WWOX: variants seen among roughly 807,000 people sequenced by gnomAD.
WWOX encodes WW domain-containing oxidoreductase.
A neutral mutation model predicts 46.2 loss-of-function variants in WWOX; 69 were observed. The observed-to-expected ratio is 1.49, with a 90% confidence interval of 1.23 to 1.82. The LOEUF is 1.82. Ranked by LOEUF, WWOX falls within the 40% of genes most tolerant of loss-of-function variation. WWOX has a pLI of 0.00. For missense variants in WWOX, 919 were observed against 542.6 expected (o/e 1.69, Z -6.89); for synonymous variants, 359 against 202.6 (o/e 1.77, Z -6.56).
At chr16:79,143,751 A>T (rs2050133779) in intron 8 of WWOX, among the ~76,000 whole-genome samples, 1 of 152,064 alleles carries the variant, frequency 6.6e-6, no homozygotes, top group South Asian at 2.1e-4. Context: ...CTATGCGCCC[A>T]TGGGAAACTG....
At chr16:78,716,041 A>T (rs1196819939) in intron 8 of WWOX, among the ~76,000 whole-genome samples, 1 of 151,854 alleles carries the variant, frequency 6.6e-6, no homozygotes, top group Non-Finnish European at 1.5e-5. Flanking sequence ...AATCATTATC[A>T]TCAAGAGGAA....
At chr16:78,393,270 G>A (rs2082214423) in intron 6 of WWOX, among the ~76,000 whole-genome samples, 1 of 152,176 alleles carries the variant, frequency 6.6e-6, no homozygotes, top group Admixed American at 6.5e-5. Flanking sequence ...AGCAGTAGCT[G>A]CTTAGTCTAC....
intron 8 of WWOX, among the ~76,000 whole-genome samples, chr16:78,563,511 A>ACG (rs2044489126): frequency 2.1e-5 from 3 of 140,346 alleles, no homozygotes; most frequent in Admixed American, 2.1e-4. Flanking sequence ...ACACACACAC[A>ACG]CACACGCTTT....
Position 78,115,132 on chromosome 16 carries a change from C to T in WWOX, c.387C>T (p.Val129=). ...ATTTCACTGGCAAAGTGGTTGTGGTCACTGGAGCTAATTCAGGAATAGGTA... is the reference window on the plus strand; with the variant it reads ...ATTTCACTGGCAAAGTGGTTGTGGTTACTGGAGCTAATTCAGGAATAGGTA... ...GRDFTGKVVV[V]TGANSGIGFE... Residue 129 remains valine (V), a synonymous_variant, in exon 4 of 9, where the codon GTC becomes GTT. Coordinates refer to ENST00000566780, the MANE Select transcript of WWOX (RefSeq NM_016373.4). 1 of 1,614,178 alleles carries T rather than the reference C, an allele frequency of 6.2e-7. No homozygotes were observed.
At chr16:78,293,978 GAA>G (rs35079271) in intron 5 of WWOX, among the ~76,000 whole-genome samples, 4 of 30,324 alleles carry the variant, frequency 1.3e-4, no homozygotes, top group Admixed American at 4.9e-4. Flanking sequence ...CTCTGTCTCA[GAA>G]AAAAAAAAAA....
At chr16:78,209,381 C>A (rs972428963) in intron 5 of WWOX, among the ~76,000 whole-genome samples, 2 of 152,122 alleles carry the variant, frequency 1.3e-5, no homozygotes, top group Admixed American at 1.3e-4. Flanking sequence ...TAGCTCAAGC[C>A]AACTGTCAGA....
chr16:79,194,682 C>G (rs2051203636), intron 8 of WWOX, among the ~76,000 whole-genome samples: 1 of 152,144 alleles, frequency 6.6e-6, no homozygotes, highest in South Asian at 2.1e-4. Flanking sequence ...GTTCTACAGC[C>G]CCCGCTCTGC....
intron 8 of WWOX, among the ~76,000 whole-genome samples, chr16:78,614,865 A>G (rs547581633): frequency 1.3e-5 from 2 of 152,322 alleles, no homozygotes; most frequent in African/African-American, 2.4e-5. Flanking sequence ...TACATGTGCC[A>G]TGGTGGTTTG....
rs1284411734 is a variant in WWOX, at chr16:78,432,675, A to G, written c.979A>G (p.Met327Val). The change falls in exon 8 of 9, where the codon ATG (methionine) becomes GTG (valine). Residue 327 changes from methionine to valine, a missense_variant. Coordinates refer to ENST00000566780, the MANE Select transcript of WWOX (RefSeq NM_016373.4). ...TSNAVHPGNM[M>V]YSNIHRSWWV... ...GAACGCAGTGCATCCTGGAAATATG[A>G]TGTACTCCAACATTCATCGCAGCTG... is the stretch of plus-strand genomic sequence containing the variant. 4 of 1,614,172 alleles carry G rather than the reference A, an allele frequency of 2.5e-6. No individual in the cohort carries two copies. The highest frequency in any genetic ancestry group is 4.5e-5 in the East Asian group (2 of 44,886).
rs1328561679 is a variant in WWOX, at chr16:78,432,892, G to A, written c.1056+140G>A. 3.0e-6 allele frequency: 4 copies of A among 1,336,734 alleles called. No individual in the cohort carries two copies. In the Admixed American group the frequency reaches 6.9e-5, roughly 23 times the overall value. The allele number at this position is 1,336,734 out of a possible 1,614,324, so 82.8% of individuals were successfully genotyped here. A position where few individuals can be genotyped will look rare whatever the true frequency, so the allele number is the denominator to read the frequency against. On this transcript the variant is annotated intron_variant, in intron 8 of 8. Coordinates refer to ENST00000566780, the MANE Select transcript of WWOX (RefSeq NM_016373.4). Reference sequence around the variant, plus strand: ...GTCCAGCCCATCATAAAGGGCTCTTGAACACATTTTCATCAACTTTAGGTT... The same window carrying A: ...GTCCAGCCCATCATAAAGGGCTCTTAAACACATTTTCATCAACTTTAGGTT...
chr16:78,124,638 A>G (rs1483501643), intron 4 of WWOX, among the ~76,000 whole-genome samples: 1 of 152,208 alleles, frequency 6.6e-6, no homozygotes, highest in Non-Finnish European at 1.5e-5. Flanking sequence ...GGTACATTTC[A>G]TGAAGAGCTG....
chr16:78,525,296 C>G (rs1398742311), intron 8 of WWOX: 1 of 151,304 alleles, frequency 6.6e-6, no homozygotes, highest in African/African-American at 2.4e-5. Flanking sequence ...TGCCATTGTC[C>G]TCCCTCAGCC....
At chr16:78,655,945 A>T (rs72794720) in intron 8 of WWOX, among the ~76,000 whole-genome samples, 78 of 152,220 alleles carry the variant, frequency 5.1e-4, no homozygotes, top group African/African-American at 1.9e-3. Flanking sequence ...AAAATCCACA[A>T]TGCACAGCCT....
chr16:78,111,627 G>T (rs2032496273), intron 3 of WWOX, among the ~76,000 whole-genome samples: 1 of 152,162 alleles, frequency 6.6e-6, no homozygotes, highest in Admixed American at 6.5e-5. Context: ...TCTTGTGGAA[G>T]GCTGGGTATT....
chr16:78,416,553 T>C (rs1244921724), intron 6 of WWOX, among the ~76,000 whole-genome samples: 1 of 152,252 alleles, frequency 6.6e-6, no homozygotes, highest in Non-Finnish European at 1.5e-5. Flanking sequence ...TGTGGGTTCT[T>C]GCCTCCAGGC....
Position 78,717,522 on chromosome 16 carries a change from C to T in WWOX, c.1056+284770C>T, listed in dbSNP as rs1173495509. ...TAAGTATATGAACTGTTGGAAGGGT[C>T]TGCTGTGAAGGATGTGATTTGCTCT... On this transcript the variant is annotated intron_variant, in intron 8 of 8. Coordinates refer to ENST00000566780, the MANE Select transcript of WWOX (RefSeq NM_016373.4). Among the ~76,000 whole-genome samples the T allele has an allele frequency of 2.0e-5, 3 of 152,086 alleles. No individual in the cohort carries two copies. The South Asian group carries it at 6.2e-4, about 31-fold the overall frequency.
intron 8 of WWOX, among the ~76,000 whole-genome samples, chr16:78,931,202 A>C (rs1212106594): frequency 6.6e-6 from 1 of 152,210 alleles, no homozygotes; most frequent in Non-Finnish European, 1.5e-5. Flanking sequence ...CACACTCAGG[A>C]ATAGTGGAAA....
At chr16:78,607,307 G>T (rs144353842) in intron 8 of WWOX, among the ~76,000 whole-genome samples, 1 of 152,012 alleles carries the variant, frequency 6.6e-6, no homozygotes, top group African/African-American at 2.4e-5. Context: ...AAGAATCGGG[G>T]CTCCTGTGAG....
At chr16:78,280,677 C>T (rs2079661126) in intron 5 of WWOX, among the ~76,000 whole-genome samples, 1 of 152,084 alleles carries the variant, frequency 6.6e-6, no homozygotes, top group South Asian at 2.1e-4. Flanking sequence ...GTGGGAGGTG[C>T]CCCACTTTTA....
Sources: gnomAD v4.1 joint callset for allele counts (sites outside exome capture counted in the v4.1 genomes callset) on GRCh38, gnomAD v4.1.1 for gene constraint, MANE v1.5 for transcripts, NCBI Gene and HGNC (gene_info 2026-07-23, HGNC 2026-07-21) for gene names.